MYO10: variants seen among roughly 807,000 people sequenced by gnomAD.
MYO10 encodes the protein unconventional myosin-X.
MYO10 carries 133 observed loss-of-function variants against 257.3 expected under a neutral mutation model. The ratio of observed to expected loss-of-function variants is 0.52; its 90% CI spans 0.45 to 0.60. The LOEUF (loss-of-function observed/expected upper bound fraction) is 0.60, where lower values mean the gene tolerates loss of function less well. Ranked by LOEUF, MYO10 falls within the 20% of genes least tolerant of loss-of-function variation. The pLI, the probability that MYO10 is intolerant of heterozygous loss-of-function variation, is 0.00. For synonymous variants in MYO10, 1,104 were observed against 1,028.6 expected (o/e 1.07, Z -1.40); for missense variants, 2,399 against 2,635.7 (o/e 0.91, Z 1.97).
chr5:16,816,347 A>AAAAC (rs1478126400), intron 3 of MYO10, among the ~76,000 whole-genome samples: 2 of 150,960 alleles, frequency 1.3e-5, no homozygotes, highest in African/African-American at 4.8e-5. Flanking sequence ...CAAAAAAAAA[A>AAAAC]AAAAAAGGCA....
intron 16 of MYO10, 47 bp downstream of exon 16, chr5:16,761,998 G>T: frequency 6.8e-7 from 1 of 1,468,020 alleles, no homozygotes; most frequent in Non-Finnish European, 9.0e-7. Context: ...TGTTTTCTCT[G>T]AATACCAAAC....
At chr5:16,860,713 A>G (rs1480610018) in intron 2 of MYO10, among the ~76,000 whole-genome samples, 1 of 151,810 alleles carries the variant, frequency 6.6e-6, no homozygotes, top group Non-Finnish European at 1.5e-5. Flanking sequence ...CAACGGATGA[A>G]CTCCAGGGCC....
intron 1 of MYO10, among the ~76,000 whole-genome samples, chr5:16,912,478 G>T (rs1745684935): frequency 6.6e-6 from 1 of 152,032 alleles, no homozygotes; most frequent in Admixed American, 6.6e-5. Flanking sequence ...GCCTTACATA[G>T]TCTGGGTCTC....
At chr5:16,770,969 T>C (rs899821206) in intron 9 of MYO10, among the ~76,000 whole-genome samples, 1 of 152,182 alleles carries the variant, frequency 6.6e-6, no homozygotes, top group African/African-American at 2.4e-5. Flanking sequence ...GGTTTCTCCA[T>C]GTTGGTCAGG....
At chr5:16,678,038 G>C (rs1736816922) in intron 33 of MYO10, among the ~76,000 whole-genome samples, 1 of 152,076 alleles carries the variant, frequency 6.6e-6, no homozygotes, top group South Asian at 2.1e-4. Context: ...TCAGATTACA[G>C]GCATGAGCCA....
chr5:16,720,791 C>G (rs1221446592), intron 19 of MYO10, among the ~76,000 whole-genome samples: 1 of 152,226 alleles, frequency 6.6e-6, no homozygotes, highest in African/African-American at 2.4e-5. Flanking sequence ...ACCTGACCTA[C>G]TTTAAATGAA....
At chr5:16,718,978 G>A (rs1210547674) in intron 19 of MYO10, among the ~76,000 whole-genome samples, 1 of 152,198 alleles carries the variant, frequency 6.6e-6, no homozygotes, top group Non-Finnish European at 1.5e-5. Flanking sequence ...GGATGTGGGT[G>A]GGGCCAGATA....
chr5:16,876,566 GT>G (rs1026169051), intron 2 of MYO10, among the ~76,000 whole-genome samples: 4 of 151,980 alleles, frequency 2.6e-5, no homozygotes, highest in African/African-American at 9.7e-5. Context: ...TAACTGGTTT[GT>G]TTTCTGAGAA....
chr5:16,769,636 G>A (rs963039240), intron 9 of MYO10, among the ~76,000 whole-genome samples: 7 of 150,592 alleles, frequency 4.6e-5, no homozygotes, highest in East Asian at 2.0e-4. Flanking sequence ...CACCGCGCCC[G>A]CCCAATAGCA....
At chr5:16,763,947 C>T (rs921567837) in intron 12 of MYO10, among the ~76,000 whole-genome samples, 192 bp from the exon 13 acceptor site, 1 of 152,052 alleles carries the variant, frequency 6.6e-6, no homozygotes, top group African/African-American at 2.4e-5. Flanking sequence ...GAGTCCAAGA[C>T]CAGCCTGACC....
chr5:16,708,107 G>A (rs1468209705), intron 21 of MYO10, among the ~76,000 whole-genome samples: 1 of 152,180 alleles, frequency 6.6e-6, no homozygotes, highest in Non-Finnish European at 1.5e-5. Context: ...ATGCTTTGAT[G>A]TTTGCATTTA....
In MYO10 at chr5:16,701,697, G is replaced by A. The variant is rs375118052; in HGVS notation, c.2698C>T (p.Leu900=). The part of the protein sequence containing the change: ...ILRLEKEIED[L]QRMKEQQELS... Reference sequence around the variant, plus strand: ...TCCTGCTGCTCCTTCATGCGCTGCAGGTCCTCGATTTCTTTCTCCAGACGG... The same window carrying A: ...TCCTGCTGCTCCTTCATGCGCTGCAAGTCCTCGATTTCTTTCTCCAGACGG... Residue 900 remains leucine, a synonymous_variant, in exon 25 of 41, where the codon CTG becomes TTG. Coordinates refer to ENST00000513610, the MANE Select transcript of MYO10 (RefSeq NM_012334.3). The surrounding 1 kb of genome is among the most constrained non-coding windows in gnomAD (Gnocchi z 8.1). 3 of 1,613,886 alleles carry A rather than the reference G, an allele frequency of 1.9e-6. No individual in the cohort carries two copies. In the African/African-American group the frequency reaches 4.0e-5, roughly 22 times the overall value.
intron 2 of MYO10, among the ~76,000 whole-genome samples, chr5:16,876,831 C>T (rs2402319): frequency 6.6e-6 from 1 of 152,048 alleles, no homozygotes; most frequent in Non-Finnish European, 1.5e-5. Context: ...CTGGGATTAC[C>T]GGCGTGAGCC....
intron 2 of MYO10, among the ~76,000 whole-genome samples, chr5:16,875,311 T>C (rs1237464898): frequency 6.6e-6 from 1 of 152,170 alleles, no homozygotes; most frequent in Admixed American, 6.5e-5. Context: ...CAAATTCTCA[T>C]CTGGGGAAAC....
At chr5:16,807,769 A>G (rs1742321942) in intron 3 of MYO10, among the ~76,000 whole-genome samples, 2 of 152,144 alleles carry the variant, frequency 1.3e-5, no homozygotes, top group South Asian at 4.2e-4. Flanking sequence ...ACTCAGGCCA[A>G]CTATTAATAG....
At position 16,701,065 on chromosome 5, in the gene MYO10, G is replaced by A. The variant is rs1438703931; in HGVS notation, c.3330C>T (p.Ser1110=). Reference sequence around the variant, plus strand: ...GGGACCACTGGCTGCCGTAGGAGTTGGAGAAGGTCACGCTGCTGCCGGAAG... The same window carrying A: ...GGGACCACTGGCTGCCGTAGGAGTTAGAGAAGGTCACGCTGCTGCCGGAAG... ...AITSGSSVTF[S]NSYGSQWSPD... The change falls in exon 25 of 41, where the codon TCC becomes TCT. Residue 1110 remains serine (S), a synonymous_variant. Transcript: ENST00000513610. The surrounding 1 kb of genome is among the most constrained non-coding windows in gnomAD (Gnocchi z 8.1). The A allele has an allele frequency of 3.8e-6, 6 of 1,572,846 alleles. No individual in the cohort carries two copies. The African/African-American group carries it at 4.0e-5, about 11-fold the overall frequency.
intron 9 of MYO10, among the ~76,000 whole-genome samples, chr5:16,774,301 C>A (rs1560977721): frequency 6.6e-6 from 1 of 152,108 alleles, no homozygotes; most frequent in African/African-American, 2.4e-5. Context: ...AAGGTACCTC[C>A]AGAAGAAGTC....
chr5:16,766,490 A>G (rs1443175923), intron 10 of MYO10, among the ~76,000 whole-genome samples: 1 of 151,572 alleles, frequency 6.6e-6, no homozygotes, highest in East Asian at 2.0e-4. Flanking sequence ...GCTGGAGTGC[A>G]ATGATCTCGG....
intron 19 of MYO10, among the ~76,000 whole-genome samples, chr5:16,748,914 A>AT (rs2126638533): frequency 6.9e-6 from 1 of 145,784 alleles, no homozygotes; most frequent in Non-Finnish European, 1.5e-5. Flanking sequence ...AGGAGCTGAC[A>AT]TCCCCCCAAA....
Sources: allele counts gnomAD v4.1 joint callset (sites outside exome capture counted in the v4.1 genomes callset), GRCh38; gene constraint gnomAD v4.1.1; non-coding constraint Gnocchi (gnomAD v3.1); transcripts MANE v1.5; gene names NCBI Gene and HGNC (gene_info 2026-07-23, HGNC 2026-07-21).